XPR1: variants seen among roughly 807,000 people sequenced by gnomAD.
XPR1 encodes the protein xenotropic and polytropic retrovirus receptor 1.
In XPR1, 28 loss-of-function variants were observed where a neutral mutation model predicts 87.5. That is an observed-to-expected ratio of 0.32 (90% CI 0.24 to 0.44). XPR1 has a LOEUF of 0.44. XPR1 is among the 20% of genes least tolerant of loss of function. XPR1 has a pLI of 1.00. For missense variants in XPR1, 559 were observed against 862.3 expected, an observed-to-expected ratio of 0.65 and a Z score of 4.41; for synonymous variants, 300 against 306.1, an observed-to-expected ratio of 0.98 and a Z score of 0.21.
chr1:180,878,505 C>G (rs1218916125), intron 13 of XPR1, among the ~76,000 whole-genome samples: 2 of 152,292 alleles, frequency 1.3e-5, no homozygotes, highest in East Asian at 3.9e-4. Flanking sequence ...ATGTAGCTGA[C>G]AGCGTTCTAA....
At chr1:180,653,921 T>C (rs1298516254) in intron 1 of XPR1, among the ~76,000 whole-genome samples, 1 of 152,186 alleles carries the variant, frequency 6.6e-6, no homozygotes, top group Non-Finnish European at 1.5e-5. Flanking sequence ...ATTATTTGCT[T>C]CTGGAATTTT....
chr1:180,746,270 C>G (rs2102030743), intron 2 of XPR1, among the ~76,000 whole-genome samples: 1 of 152,152 alleles, frequency 6.6e-6, no homozygotes, highest in East Asian at 1.9e-4. Flanking sequence ...CCTCACCTCC[C>G]CCACCTTCCT....
rs17301762 is a variant in XPR1, at chr1:180,825,517, T to G, written c.1134+173T>G. Among the ~76,000 whole-genome samples, 8,138 of 152,272 alleles carry G rather than the reference T, an allele frequency of 0.053. 311 individuals are homozygous for G. Among genetic ancestry groups the G allele is most frequent in the Non-Finnish European group, 0.079 (5,358 of 68,014 alleles). On this transcript the variant is annotated intron_variant, in intron 9 of 14. Coordinates refer to ENST00000367590, the MANE Select transcript of XPR1 (RefSeq NM_004736.4). ...ACTCACGTATATTTTCCTCCTGAGATCGAGTATCAGGTGGCCAAATATTGA... is the reference window on the plus strand; with the variant it reads ...ACTCACGTATATTTTCCTCCTGAGAGCGAGTATCAGGTGGCCAAATATTGA...
intron 2 of XPR1, among the ~76,000 whole-genome samples, chr1:180,752,421 T>C (rs1647568993): frequency 6.6e-6 from 1 of 152,220 alleles, no homozygotes. Context: ...ACAGTATTGG[T>C]ATCTCCCTAT....
chr1:180,665,253 G>A (rs747415912), intron 1 of XPR1, among the ~76,000 whole-genome samples: 4 of 152,088 alleles, frequency 2.6e-5, no homozygotes, highest in Non-Finnish European at 4.4e-5. Context: ...ACTCACTATC[G>A]CAAGAACAGC....
chr1:180,760,902 T>G lies in XPR1; in HGVS notation c.122-26851T>G, dbSNP rs61811188. On this transcript the variant is annotated intron_variant, in intron 2 of 14. Transcript: ENST00000367590. ...TACAGTAACCAAAACAGCATGGTAC[T>G]GGTACCAAAACAGAGATATAGATCA... is the stretch of plus-strand genomic sequence containing the variant. Among the ~76,000 whole-genome samples the G allele has an allele frequency of 7.7e-3, 1,179 of 152,252 alleles. 9 individuals carry two copies. Among genetic ancestry groups the G allele is most frequent in the Middle Eastern group, 0.017 (5 of 294 alleles).
intron 2 of XPR1, among the ~76,000 whole-genome samples, chr1:180,741,920 A>G (rs143925972): frequency 1.2e-3 from 182 of 152,310 alleles, no homozygotes; most frequent in Non-Finnish European, 2.2e-3. Context: ...TAAGCTGTCA[A>G]ATGTATGCAC....
At chr1:180,787,981 GATTTTC>G (rs1649219921) in intron 3 of XPR1, 127 bp downstream of exon 3, 9 of 681,188 alleles carry the variant, frequency 1.3e-5, no homozygotes, top group Non-Finnish European at 2.3e-5. Context: ...CACTTAAGAG[GATTTTC>G]TTGAGCTGGG....
At chr1:180,755,869 G>T (rs1028542097) in intron 2 of XPR1, among the ~76,000 whole-genome samples, 2 of 152,016 alleles carry the variant, frequency 1.3e-5, no homozygotes, top group Admixed American at 6.6e-5. Flanking sequence ...TTGTAGATCT[G>T]ACTGAACCTC....
intron 14 of XPR1, 109 bp downstream of exon 14, chr1:180,880,406 C>G: frequency 8.1e-7 from 1 of 1,239,482 alleles, no homozygotes; most frequent in Non-Finnish European, 1.1e-6. Context: ...TGCCAATACT[C>G]AGCCATTTTT....
At chr1:180,820,349 G>C (rs890250952) in intron 7 of XPR1, among the ~76,000 whole-genome samples, 1 of 151,988 alleles carries the variant, frequency 6.6e-6, no homozygotes, top group African/African-American at 2.4e-5. Flanking sequence ...CCTATTCTGG[G>C]TATGTCCATA....
chr1:180,710,203 GTTTT>G (rs60565276), intron 2 of XPR1, among the ~76,000 whole-genome samples: 2 of 138,768 alleles, frequency 1.4e-5, no homozygotes, highest in Non-Finnish European at 1.6e-5. Flanking sequence ...GTTTAATTTA[GTTTT>G]TTTTTTTTTT....
Position 180,880,275 on chromosome 1 carries a change from C to A in XPR1, c.2008C>A (p.Arg670Ser). 1 of 1,614,190 alleles carries A rather than the reference C, an allele frequency of 6.2e-7. No individual in the cohort carries two copies. Among genetic ancestry groups the A allele is most frequent in the South Asian group, 1.1e-5 (1 of 91,076 alleles). The change falls in exon 14 of 15, where the codon CGC (arginine) becomes AGC (serine). Residue 670 changes from arginine (R) to serine (S), a missense_variant. Around this residue, in one of 7 missense-constraint regions of XPR1, gnomAD observed 80 missense variants for 99.5 expected, o/e 0.80. Transcript: ENST00000367590. ...GAAGTACAACCAGAGCATATCCCTG[C>A]GCCGGCCTCGCCTCGCTTCTCAGTA... is the stretch of plus-strand genomic sequence containing the variant. ...SWKYNQSISL[R>S]RPRLASQSKA...
intron 7 of XPR1, 63 bp downstream of exon 7, chr1:180,811,551 C>G: frequency 1.5e-6 from 2 of 1,347,564 alleles, no homozygotes; most frequent in East Asian, 4.7e-5. Context: ...TATTCTGCCC[C>G]TCTGTAAGGA....
intron 2 of XPR1, among the ~76,000 whole-genome samples, chr1:180,771,324 T>C (rs1648504563): frequency 6.6e-6 from 1 of 152,148 alleles, no homozygotes; most frequent in Admixed American, 6.5e-5. Context: ...CATTTTGAAT[T>C]AATCTGATTT....
At chr1:180,878,259 A>G (rs1652723740) in intron 13 of XPR1, 1 of 152,172 alleles carries the variant, frequency 6.6e-6, no homozygotes. Context: ...ACTAAATCAA[A>G]TGTTCTATCC....
At chr1:180,714,431 G>T (rs1259520131) in intron 2 of XPR1, among the ~76,000 whole-genome samples, 1 of 125,700 alleles carries the variant, frequency 8.0e-6, no homozygotes, top group African/African-American at 3.0e-5. Flanking sequence ...TGTCTGTCTC[G>T]TCTCATCTTG....
intron 2 of XPR1, among the ~76,000 whole-genome samples, chr1:180,726,960 C>T (rs567413795): frequency 2.6e-5 from 4 of 151,650 alleles, no homozygotes; most frequent in African/African-American, 4.8e-5. Context: ...CTGCAAGCTC[C>T]GCCTCCTGGG....
In XPR1 at chr1:180,873,999, A is replaced by G. The variant is rs989084263; in HGVS notation, c.1808+57A>G. The G allele has an allele frequency of 3.8e-5, 56 of 1,493,262 alleles. No individual in the cohort carries two copies. The African/African-American group carries it at 4.1e-4, about 11-fold the overall frequency. 92.5% of individuals were successfully genotyped at this position (1,493,262 alleles called of 1,614,324 possible). A position where few individuals can be genotyped will look rare whatever the true frequency, so the allele number is the denominator to read the frequency against. ...TTCTTTTTAACCTAAAAGACACCCA[A>G]TACTTACAAATTAGAATTTATTATA... On this transcript the variant is annotated intron_variant, in intron 13 of 14. Coordinates refer to ENST00000367590, the MANE Select transcript of XPR1 (RefSeq NM_004736.4).
Sources: allele counts gnomAD v4.1 joint callset (sites outside exome capture counted in the v4.1 genomes callset), GRCh38; gene constraint gnomAD v4.1.1; regional missense constraint gnomAD v4.1.1; transcripts MANE v1.5; gene names NCBI Gene and HGNC (gene_info 2026-07-23, HGNC 2026-07-21).